Variants in HKDC1 observed in about 807,000 individuals in gnomAD.
HKDC1 encodes the protein hexokinase domain containing 1, also known as hexokinase HKDC1.
In HKDC1, 66 loss-of-function variants were observed where a neutral mutation model predicts 96.6. The observed-to-expected ratio is 0.68, with a 90% confidence interval of 0.56 to 0.84. HKDC1 has a LOEUF of 0.84. Ranked by LOEUF, HKDC1 falls within the 40% of genes least tolerant of loss-of-function variation. The pLI, the probability that HKDC1 is intolerant of heterozygous loss-of-function variation, is 0.00. For synonymous variants in HKDC1, 466 were observed against 473.1 expected (o/e 0.98, Z 0.20); for missense variants, 1,211 against 1,208.1 (o/e 1.00, Z -0.04).
intron 4 of HKDC1, among the ~76,000 whole-genome samples, chr10:69,235,365 T>A (rs1307927449): frequency 1.3e-5 from 2 of 151,790 alleles, no homozygotes; most frequent in African/African-American, 4.9e-5. Context: ...GAGGTTGTGG[T>A]GAGCTGAGAT....
At chr10:69,225,511 G>A (rs2394529) in intron 1 of HKDC1, among the ~76,000 whole-genome samples, 1 of 151,930 alleles carries the variant, frequency 6.6e-6, no homozygotes, top group African/African-American at 2.4e-5. Flanking sequence ...GCTAATGGCT[G>A]TCTGATGATT....
At position 69,247,320 on chromosome 10, in the gene HKDC1, A is replaced by C. The variant is rs893383552; in HGVS notation, c.1032-40A>C. 2.9e-6 allele frequency: 4 copies of C among 1,375,582 alleles called. No homozygotes were observed. The African/African-American group carries it at 5.7e-5, about 20-fold the overall frequency. The allele number at this position is 1,375,582 out of a possible 1,614,324, so 85.2% of individuals were successfully genotyped here. ...GTTCCCCCAGGAGGATACCAGTGGG[A>C]TGGAGAAGTGTCGTTCACTCATTCC... On this transcript the variant is annotated intron_variant, in intron 8 of 17. Transcript: ENST00000354624.
In HKDC1 at chr10:69,233,011, C is replaced by T; in HGVS notation, c.376-3C>T. 1.2e-6 allele frequency: 2 copies of T among 1,613,924 alleles called. No homozygotes were observed. The highest frequency in any genetic ancestry group is 1.7e-6 in the Non-Finnish European group (2 of 1,180,040). On this transcript the variant is annotated splice_region_variant and splice_polypyrimidine_tract_variant and intron_variant, in intron 3 of 17. Transcript: ENST00000354624. ...CATGTACTTTGCTTTCTCTTCTCTGCAGCTGTTTGAATATGTAGCTGACTG... is the reference window on the plus strand; with the variant it reads ...CATGTACTTTGCTTTCTCTTCTCTGTAGCTGTTTGAATATGTAGCTGACTG...
Position 69,257,389 on chromosome 10 carries a change from C to T in HKDC1, c.1995C>T (p.Gly665=). ...CAGTGGGGACCATGATGACCTGTGG[C>T]TATGAAGATCCTAATTGTGAGATTG... is the stretch of plus-strand genomic sequence containing the variant. ...NDTVGTMMTC[G]YEDPNCEIGL... is the part of the protein sequence containing the mutation. The change falls in exon 14 of 18, where the codon GGC becomes GGT. Residue 665 remains glycine (G), a synonymous_variant. Transcript: ENST00000354624. The T allele has an allele frequency of 6.2e-7, 1 of 1,613,980 alleles. No homozygotes were observed. Among genetic ancestry groups the T allele is most frequent in the East Asian group, 2.2e-5 (1 of 44,890 alleles).
chr10:69,247,309 A>C, intron 8 of HKDC1, 51 bp from the exon 9 acceptor site: 1 of 1,226,220 alleles, frequency 8.2e-7, no homozygotes, highest in Non-Finnish European at 1.2e-6. Flanking sequence ...CCCCAGGAGG[A>C]TACCAGTGGG....
intron 2 of HKDC1, among the ~76,000 whole-genome samples, chr10:69,227,781 C>A (rs547960948): frequency 1.3e-4 from 20 of 152,204 alleles, no homozygotes; most frequent in Non-Finnish European, 2.5e-4. Context: ...TAACCACTCA[C>A]TCCGTGGGTC....
chr10:69,248,761 C>T, intron 10 of HKDC1, 33 bp downstream of exon 10: 1 of 1,539,178 alleles, frequency 6.5e-7, no homozygotes, highest in Non-Finnish European at 8.8e-7. Flanking sequence ...TCTGAACAGC[C>T]ATCCAGGGCT....
chr10:69,239,766 C>CTTTT (rs33937984), intron 5 of HKDC1, among the ~76,000 whole-genome samples: 5 of 126,640 alleles, frequency 3.9e-5, no homozygotes, highest in African/African-American at 6.0e-5. Context: ...TTTCATTTTA[C>CTTTT]TTTTTTTTTT....
At chr10:69,252,208 T>C (rs1324790476) in intron 12 of HKDC1, among the ~76,000 whole-genome samples, 1 of 131,268 alleles carries the variant, frequency 7.6e-6, no homozygotes, top group Non-Finnish European at 1.7e-5. Flanking sequence ...CCTGTAATTC[T>C]AGGGTAAAAA....
Position 69,261,280 on chromosome 10 carries a change from G to C in HKDC1, c.2358G>C (p.Leu786=). The change falls in exon 16 of 18, where the codon CTG becomes CTC. Residue 786 remains leucine (L), a synonymous_variant. Coordinates refer to ENST00000354624, the MANE Select transcript of HKDC1 (RefSeq NM_025130.4). The part of the protein sequence containing the change: ...RTRGIFETKF[L]SQIESDRLAL... ...GGGGCATCTTCGAAACCAAGTTCCT[G>C]TCCCAGATCGAAAGGTGACCTGTGA... is the stretch of plus-strand genomic sequence containing the variant. 1 of 1,614,014 alleles carries C rather than the reference G, an allele frequency of 6.2e-7. No individual in the cohort carries two copies. The highest frequency in any genetic ancestry group is 8.5e-7 in the Non-Finnish European group (1 of 1,179,906).
In HKDC1 at chr10:69,261,396, C is replaced by T. The variant is rs1843808484; in HGVS notation, c.2372+102C>T. On this transcript the variant is annotated intron_variant, in intron 16 of 17. Coordinates refer to ENST00000354624, the MANE Select transcript of HKDC1 (RefSeq NM_025130.4). The stretch of plus-strand genomic sequence containing the variant: ...GTTTAAAAATAAAAACAGAAAGGCC[C>T]TGGCTGGGTAAGGGATTGCCTCCTG... 2.6e-6 allele frequency: 3 copies of T among 1,141,876 alleles called. No individual in the cohort carries two copies. In the South Asian group the frequency reaches 4.3e-5, roughly 17 times the overall value. 70.7% of individuals were successfully genotyped at this position (1,141,876 alleles called of 1,614,324 possible).
chr10:69,239,027 G>C lies in HKDC1; in HGVS notation c.496-15G>C, dbSNP rs532452600. 3.1e-5 allele frequency: 49 copies of C among 1,602,096 alleles called. No homozygotes were observed. The highest frequency in any genetic ancestry group is 4.1e-5 in the Non-Finnish European group (48 of 1,170,320). ...CACGTCTTTCATTCAAACTGGACCT[G>C]AAATCTTCTCCCAGGGTGTCCTACT... On this transcript the variant is annotated splice_polypyrimidine_tract_variant and intron_variant, in intron 4 of 17. Coordinates refer to ENST00000354624, the MANE Select transcript of HKDC1 (RefSeq NM_025130.4).
At chr10:69,246,501 T>A (rs190214936) in intron 8 of HKDC1, among the ~76,000 whole-genome samples, 6 of 152,246 alleles carry the variant, frequency 3.9e-5, no homozygotes, top group African/African-American at 1.2e-4. Flanking sequence ...AGTGGTAACT[T>A]GTAGCATTTT....
At position 69,264,195 on chromosome 10, in the gene HKDC1, T is replaced by TTC. The variant is rs1259755839; in HGVS notation, c.2373-1388_2373-1387dup. Among the ~76,000 whole-genome samples, 7 of 112,390 alleles carry TTC rather than the reference T, an allele frequency of 6.2e-5. No homozygotes were observed. The South Asian group carries it at 2.6e-3, about 42-fold the overall frequency. 73.7% of individuals were successfully genotyped at this position (112,390 alleles called of 152,430 possible). A position where few individuals can be genotyped will look rare whatever the true frequency, so the allele number is the denominator to read the frequency against. ...CCTCCCAATGTCTGAATAGATTTCCTTCTGTGTGTGTGTGTGTGTGTGTGT... is the reference window on the plus strand; with the variant it reads ...CCTCCCAATGTCTGAATAGATTTCCTTCTCTGTGTGTGTGTGTGTGTGTGTGT... On this transcript the variant is annotated intron_variant, in intron 16 of 17. Transcript: ENST00000354624.
At chr10:69,250,489 T>A in intron 11 of HKDC1, 44 bp from the exon 12 acceptor site, 1 of 1,613,124 alleles carries the variant, frequency 6.2e-7, no homozygotes, top group Non-Finnish European at 8.5e-7. Flanking sequence ...CCACCCTGCA[T>A]CGATGTCCGC....
chr10:69,257,383 C>G lies in HKDC1; in HGVS notation c.1989C>G (p.Thr663=). 6.2e-7 allele frequency: 1 copy of G among 1,614,094 alleles called. No individual in the cohort carries two copies. The highest frequency in any genetic ancestry group is 8.5e-7 in the Non-Finnish European group (1 of 1,179,938). ...ATGATACAGTGGGGACCATGATGAC[C>G]TGTGGCTATGAAGATCCTAATTGTG... ...VVNDTVGTMM[T]CGYEDPNCEI... Residue 663 remains threonine, a synonymous_variant, in exon 14 of 18, where the codon ACC becomes ACG. Transcript: ENST00000354624.
In HKDC1 at chr10:69,261,127, T is replaced by G; in HGVS notation, c.2217-12T>G. 1 of 1,609,216 alleles carries G rather than the reference T, an allele frequency of 6.2e-7. No homozygotes were observed. The highest frequency in any genetic ancestry group is 8.5e-7 in the Non-Finnish European group (1 of 1,175,802). ...CAGGTCTGCCCCAACCTTATCCTTCTTCTCCAAACAGATACGAGAAAATGA... is the reference window on the plus strand; with the variant it reads ...CAGGTCTGCCCCAACCTTATCCTTCGTCTCCAAACAGATACGAGAAAATGA... On this transcript the variant is annotated splice_polypyrimidine_tract_variant and intron_variant, in intron 15 of 17. Coordinates refer to ENST00000354624, the MANE Select transcript of HKDC1 (RefSeq NM_025130.4).
At chr10:69,254,298 A>C (rs922662825) in intron 12 of HKDC1, among the ~76,000 whole-genome samples, 1 of 151,330 alleles carries the variant, frequency 6.6e-6, no homozygotes, top group Non-Finnish European at 1.5e-5. Flanking sequence ...GAGAAGACTC[A>C]GTCTCAAAAA....
At chr10:69,233,193 T>A (rs5030971) in intron 4 of HKDC1, 60 bp downstream of exon 4, 692,092 of 1,602,560 alleles carry the variant, frequency 0.43, 154,295 homozygotes, top group East Asian at 0.79. Context: ...TGGGCACGGG[T>A]GGGAGTCAGG....
Sources: gnomAD v4.1 joint callset for allele counts (sites outside exome capture counted in the v4.1 genomes callset) on GRCh38, gnomAD v4.1.1 for gene constraint, MANE v1.5 for transcripts, NCBI Gene and HGNC (gene_info 2026-07-23, HGNC 2026-07-21) for gene names.